TTC29: variants seen among roughly 807,000 people sequenced by gnomAD.
The protein encoded by TTC29 is tetratricopeptide repeat domain 29.
A neutral mutation model predicts 58.1 loss-of-function variants in TTC29; 49 were observed. The ratio of observed to expected loss-of-function variants is 0.84; its 90% CI spans 0.67 to 1.07. The LOEUF (loss-of-function observed/expected upper bound fraction) is 1.07, where lower values mean the gene tolerates loss of function less well. Among genes scored for constraint, TTC29 ranks in the 50% least tolerant of loss-of-function variants. The pLI is 0.00. For missense variants in TTC29, 582 were observed against 555.6 expected (o/e 1.05, Z -0.48); for synonymous variants, 209 against 196.8 (o/e 1.06, Z -0.52).
chr4:146,753,548 C>T (rs1463911405), intron 11 of TTC29, among the ~76,000 whole-genome samples: 10 of 152,310 alleles, frequency 6.6e-5, no homozygotes, highest in Admixed American at 3.9e-4. Flanking sequence ...CATCCTATTG[C>T]TGGATATATA....
chr4:146,824,409 G>T (rs1014775085), intron 9 of TTC29, among the ~76,000 whole-genome samples: 1 of 152,152 alleles, frequency 6.6e-6, no homozygotes. Context: ...TACATTTATT[G>T]ATTTGCTTAT....
chr4:146,924,622 GTCT>G (rs1734804396), intron 4 of TTC29, among the ~76,000 whole-genome samples: 1 of 151,578 alleles, frequency 6.6e-6, no homozygotes, highest in Admixed American at 6.6e-5. Context: ...GGTAAACTGT[GTCT>G]TCTATTTTTT....
chr4:146,941,158 C>T (rs999355631), intron 2 of TTC29, among the ~76,000 whole-genome samples: 8 of 152,112 alleles, frequency 5.3e-5, no homozygotes, highest in Non-Finnish European at 1.0e-4. Flanking sequence ...TACAAAAGAA[C>T]CCATGCTTCT....
At chr4:146,887,427 G>A (rs1056737215) in intron 6 of TTC29, among the ~76,000 whole-genome samples, 2 of 152,102 alleles carry the variant, frequency 1.3e-5, no homozygotes, top group Non-Finnish European at 2.9e-5. Flanking sequence ...TGAAAATCAT[G>A]TGTAGAGATT....
intron 4 of TTC29, among the ~76,000 whole-genome samples, chr4:146,935,593 A>AT (rs1735741438): frequency 6.6e-6 from 1 of 151,956 alleles, no homozygotes; most frequent in South Asian, 2.1e-4. Context: ...GTCTTCTCTG[A>AT]TTTTTTCTTG....
intron 11 of TTC29, among the ~76,000 whole-genome samples, chr4:146,709,613 G>A (rs762494177): frequency 6.6e-6 from 1 of 152,016 alleles, no homozygotes; most frequent in African/African-American, 2.4e-5. Flanking sequence ...GGCCTGAGAT[G>A]CCTCGTCTTA....
At chr4:146,813,221 T>C (rs1244590316) in intron 10 of TTC29, among the ~76,000 whole-genome samples, 2 of 152,214 alleles carry the variant, frequency 1.3e-5, no homozygotes, top group East Asian at 1.9e-4. Flanking sequence ...TCCTACCCAT[T>C]TTCCCTATAA....
At chr4:146,734,149 G>A (rs1744545921) in intron 11 of TTC29, among the ~76,000 whole-genome samples, 1 of 152,094 alleles carries the variant, frequency 6.6e-6, no homozygotes, top group African/African-American at 2.4e-5. Flanking sequence ...TCTATAATAT[G>A]ATTGATTGCA....
At chr4:146,881,733 A>G (rs1731639009) in intron 6 of TTC29, among the ~76,000 whole-genome samples, 1 of 152,080 alleles carries the variant, frequency 6.6e-6, no homozygotes, top group African/African-American at 2.4e-5. Context: ...TCCAACAGAA[A>G]CTATCACTTT....
chr4:146,893,555 T>C (rs985460103), intron 6 of TTC29, among the ~76,000 whole-genome samples: 7 of 152,080 alleles, frequency 4.6e-5, no homozygotes, highest in African/African-American at 1.5e-4. Flanking sequence ...AAGACTTAAA[T>C]GTTAGACCTG....
At chr4:146,777,286 G>C (rs1748177353) in intron 11 of TTC29, among the ~76,000 whole-genome samples, 1 of 152,194 alleles carries the variant, frequency 6.6e-6, no homozygotes, top group Non-Finnish European at 1.5e-5. Context: ...TTTTACAGAA[G>C]AGAAAATCAA....
intron 10 of TTC29, among the ~76,000 whole-genome samples, chr4:146,818,619 A>G (rs902622731): frequency 3.3e-5 from 5 of 152,212 alleles, no homozygotes; most frequent in African/African-American, 1.2e-4. Flanking sequence ...ATGCTGCTGT[A>G]AAGACACATG....
At chr4:146,855,025 G>A (rs113860390) in intron 8 of TTC29, among the ~76,000 whole-genome samples, 4 of 152,236 alleles carry the variant, frequency 2.6e-5, no homozygotes, top group African/African-American at 9.6e-5. Flanking sequence ...CAGGCAAGGT[G>A]GATCATGCCT....
intron 4 of TTC29, 26 bp from the exon 5 acceptor site, chr4:146,909,275 C>A: frequency 1.3e-6 from 2 of 1,530,950 alleles, no homozygotes; most frequent in South Asian, 1.2e-5. Flanking sequence ...AGAACACTCT[C>A]AGGTTTATGT....
rs1744090536 is a variant in TTC29, at chr4:146,728,850, TATATATACAC to T, written c.1331-21309_1331-21300del. ...ACATATATATACACATATATATGTA[TATATATACAC>T]ATATATATGTGTGTGTATATATATA... is the stretch of plus-strand genomic sequence containing the variant. On this transcript the variant is annotated intron_variant, in intron 11 of 12. Transcript: ENST00000325106. Among the ~76,000 whole-genome samples the T allele has an allele frequency of 4.8e-5, 3 of 62,520 alleles. 1 individual carries two copies. Among genetic ancestry groups the T allele is most frequent in the Non-Finnish European group, 1.1e-4 (3 of 27,704 alleles). 41.0% of individuals were successfully genotyped at this position (62,520 alleles called of 152,430 possible).
intron 10 of TTC29, among the ~76,000 whole-genome samples, chr4:146,805,904 A>C (rs531923669): frequency 1.1e-4 from 16 of 152,244 alleles, no homozygotes; most frequent in Admixed American, 8.5e-4. Context: ...AAACTCTTCG[A>C]GAAGAGCAAC....
At chr4:146,750,159 C>T (rs1182520683) in intron 11 of TTC29, among the ~76,000 whole-genome samples, 1 of 152,070 alleles carries the variant, frequency 6.6e-6, no homozygotes, top group African/African-American at 2.4e-5. Context: ...AGGCGCCTGC[C>T]ACCAGGCTTG....
At chr4:146,814,465 T>TG in intron 10 of TTC29, among the ~76,000 whole-genome samples, 1 of 151,746 alleles carries the variant, frequency 6.6e-6, no homozygotes, top group African/African-American at 2.4e-5. Context: ...CGGTGGCTCA[T>TG]ACGTATAATC....
intron 4 of TTC29, among the ~76,000 whole-genome samples, chr4:146,927,927 C>T (rs1022025468): frequency 2.0e-5 from 3 of 152,082 alleles, no homozygotes; most frequent in South Asian, 2.1e-4. Context: ...GATGCACATA[C>T]GAGCAGAGCA....
Sources: allele counts gnomAD v4.1 joint callset (sites outside exome capture counted in the v4.1 genomes callset), GRCh38; gene constraint gnomAD v4.1.1; transcripts MANE v1.5; gene names NCBI Gene and HGNC (gene_info 2026-07-23, HGNC 2026-07-21).